The following RANBP2 variants were observed in gnomAD, a reference collection of about 807,000 sequenced individuals.
RANBP2 encodes the protein RAN binding protein 2.
In RANBP2, 57 loss-of-function variants were observed where a neutral mutation model predicts 303.6. That is an observed-to-expected ratio of 0.19 (90% CI 0.15 to 0.23). RANBP2 has a LOEUF of 0.23. RANBP2 is among the 10% of genes least tolerant of loss of function. RANBP2 has a pLI of 1.00. For synonymous variants in RANBP2, 1,167 were observed against 1,301.5 expected, an observed-to-expected ratio of 0.90 and a Z score of 2.23; for missense variants, 3,138 against 3,780.8, an observed-to-expected ratio of 0.83 and a Z score of 4.46.
At chr2:109,667,253 C>A in the RANBP2 span, 1 of 825,938 alleles carries the variant, frequency 1.2e-6, no homozygotes, top group Non-Finnish European at 2.1e-6. Context: ...TGCTGAAGGA[C>A]AGGCAGAGAC....
chr2:109,339,285 G>A, the RANBP2 span, among the ~76,000 whole-genome samples: 1 of 151,960 alleles, frequency 6.6e-6, no homozygotes, highest in Non-Finnish European at 1.5e-5. Context: ...TTTTTTGGGG[G>A]GGTGGGGGGT....
the RANBP2 span, among the ~76,000 whole-genome samples, chr2:109,470,618 G>A: frequency 5.3e-5 from 8 of 152,222 alleles, no homozygotes; most frequent in African/African-American, 1.9e-4. Flanking sequence ...GTTACACCAA[G>A]CTCCCTGGAC....
chr2:109,159,806 A>G, the RANBP2 span, among the ~76,000 whole-genome samples: 1 of 152,040 alleles, frequency 6.6e-6, no homozygotes, highest in African/African-American at 2.4e-5. Context: ...TAGGTTTCAC[A>G]CTCCTTATGA....
the RANBP2 span, among the ~76,000 whole-genome samples, chr2:109,489,083 G>A: frequency 7.9e-5 from 12 of 152,376 alleles, no homozygotes; most frequent in East Asian, 5.8e-4. Flanking sequence ...AGCGAAGGCC[G>A]AGACTCAGGC....
At chr2:108,933,256 T>TG in the RANBP2 span, among the ~76,000 whole-genome samples, 1 of 152,032 alleles carries the variant, frequency 6.6e-6, no homozygotes, top group Non-Finnish European at 1.5e-5. Context: ...TGAAATCGGG[T>TG]GGGGGTGACC....
the RANBP2 span, among the ~76,000 whole-genome samples, chr2:108,802,933 T>G: frequency 1.6e-3 from 249 of 152,332 alleles, 1 homozygote; most frequent in Non-Finnish European, 2.5e-3. Flanking sequence ...GGATTACATT[T>G]ATTGATTTGC....
the RANBP2 span, among the ~76,000 whole-genome samples, chr2:109,149,956 T>C: frequency 6.6e-6 from 1 of 152,220 alleles, no homozygotes; most frequent in Non-Finnish European, 1.5e-5. Flanking sequence ...GGTTCTTGAC[T>C]TGGGGTGCAT....
At chr2:108,984,444 G>A in the RANBP2 span, among the ~76,000 whole-genome samples, 1 of 152,022 alleles carries the variant, frequency 6.6e-6, no homozygotes, top group Admixed American at 6.6e-5. Flanking sequence ...GCCACGGCCC[G>A]CTCAGGCTCC....
the RANBP2 span, among the ~76,000 whole-genome samples, chr2:109,447,807 A>AT: frequency 6.6e-6 from 1 of 152,112 alleles, no homozygotes; most frequent in Admixed American, 6.6e-5. Flanking sequence ...CATATGGGAG[A>AT]TTTTTGCAAA....
the RANBP2 span, among the ~76,000 whole-genome samples, chr2:109,302,720 A>G: frequency 6.6e-6 from 1 of 151,124 alleles, no homozygotes; most frequent in African/African-American, 2.5e-5. Context: ...ACAAGGCATC[A>G]TGGTGCTCCT....
At chr2:109,562,080 G>A in the RANBP2 span, among the ~76,000 whole-genome samples, 4 of 151,932 alleles carry the variant, frequency 2.6e-5, no homozygotes, top group East Asian at 5.8e-4. Context: ...GGGGGTGGTG[G>A]TGCATGCCTA....
chr2:109,653,744 T>C, the RANBP2 span, among the ~76,000 whole-genome samples: 1 of 152,174 alleles, frequency 6.6e-6, no homozygotes, highest in South Asian at 2.1e-4. Flanking sequence ...TCCTTGACAA[T>C]ATGCCAGGGA....
the RANBP2 span, among the ~76,000 whole-genome samples, chr2:109,290,785 T>G: frequency 9.5e-4 from 145 of 152,348 alleles, no homozygotes; most frequent in African/African-American, 3.3e-3. Context: ...CTTCAGAGCC[T>G]TTACAACACA....
chr2:109,239,252 G>T, the RANBP2 span, among the ~76,000 whole-genome samples: 1 of 152,072 alleles, frequency 6.6e-6, no homozygotes, highest in Non-Finnish European at 1.5e-5. Context: ...AGCTCACCTG[G>T]GTTTCTCACA....
the RANBP2 span, chr2:108,798,400 A>G: frequency 6.3e-7 from 1 of 1,586,570 alleles, no homozygotes; most frequent in Non-Finnish European, 8.6e-7. Flanking sequence ...ACTTTTCAAG[A>G]GCATTAAAGT....
the RANBP2 span, among the ~76,000 whole-genome samples, chr2:109,579,665 G>A: frequency 3.3e-5 from 5 of 151,236 alleles, no homozygotes; most frequent in East Asian, 4.0e-4. Flanking sequence ...TTACAGGCAT[G>A]AGCCACCACG....
chr2:109,435,289 G>A, the RANBP2 span, among the ~76,000 whole-genome samples: 1 of 152,332 alleles, frequency 6.6e-6, no homozygotes, highest in South Asian at 2.1e-4. Flanking sequence ...AGAAGTGGAA[G>A]ACACCTGTCC....
the RANBP2 span, among the ~76,000 whole-genome samples, chr2:109,589,218 C>T: frequency 6.6e-6 from 1 of 152,104 alleles, no homozygotes; most frequent in East Asian, 1.9e-4. Context: ...CCTTGGCACA[C>T]CGCAACCTCC....
chr2:109,054,831 C>G, the RANBP2 span, among the ~76,000 whole-genome samples: 1 of 152,196 alleles, frequency 6.6e-6, no homozygotes, highest in African/African-American at 2.4e-5. Flanking sequence ...GCCCTGGCCC[C>G]CTCTCCAGTT....
Sources: allele counts gnomAD v4.1 joint callset (sites outside exome capture counted in the v4.1 genomes callset), GRCh38; gene constraint gnomAD v4.1.1; transcripts MANE v1.5; gene names NCBI Gene and HGNC (gene_info 2026-07-23, HGNC 2026-07-21).